The following ACACA variants were observed in gnomAD, a reference collection of about 807,000 sequenced individuals.
ACACA encodes the protein acetyl-CoA carboxylase alpha, also known as acetyl-CoA carboxylase 1.
ACACA carries 103 observed loss-of-function variants against 296.1 expected under a neutral mutation model. That is an observed-to-expected ratio of 0.35 (90% CI 0.30 to 0.41). ACACA has a LOEUF of 0.41. Among genes scored for constraint, ACACA ranks in the 10% least tolerant of loss-of-function variants. The pLI is 1.00. For missense variants in ACACA, 1,554 were observed against 2,989.7 expected (o/e 0.52, Z 11.20); for synonymous variants, 953 against 1,038.6 (o/e 0.92, Z 1.58).
At chr17:37,327,130 T>A (rs907216158) in intron 3 of ACACA, among the ~76,000 whole-genome samples, 1 of 152,180 alleles carries the variant, frequency 6.6e-6, no homozygotes, top group Non-Finnish European at 1.5e-5. Flanking sequence ...TAAGAGCTGA[T>A]CCTAAACTCA....
chr17:37,089,513 A>G (rs2142484713), intron 54 of ACACA, among the ~76,000 whole-genome samples: 1 of 152,360 alleles, frequency 6.6e-6, no homozygotes. Flanking sequence ...CACAATGCCT[A>G]AAGTATAAGT....
At chr17:37,375,865 CAGA>C (rs1477275905) in intron 1 of ACACA, 3 of 469,612 alleles carry the variant, frequency 6.4e-6, no homozygotes, top group South Asian at 9.8e-5. Context: ...GCAGCGAAGT[CAGA>C]AGAAGTCTGA....
chr17:37,236,103 C>T (rs2080098476), intron 24 of ACACA, among the ~76,000 whole-genome samples: 2 of 152,146 alleles, frequency 1.3e-5, no homozygotes, highest in African/African-American at 4.8e-5. Context: ...AAGTTACAAA[C>T]CAGAACAGTG....
At chr17:37,215,102 T>C (rs939602715) in intron 29 of ACACA, among the ~76,000 whole-genome samples, 7 of 152,110 alleles carry the variant, frequency 4.6e-5, no homozygotes, top group African/African-American at 1.7e-4. Context: ...CCAAAACACA[T>C]GCTATCAGGG....
Position 37,206,772 on chromosome 17 carries a change from G to A in ACACA, c.3948+11C>T. 1.6e-5 allele frequency: 26 copies of A among 1,587,160 alleles called. No homozygotes were observed. The highest frequency in any genetic ancestry group is 2.2e-5 in the Non-Finnish European group (26 of 1,155,812). On this transcript the variant is annotated intron_variant, in intron 32 of 55. Coordinates refer to ENST00000616317, the MANE Select transcript of ACACA (RefSeq NM_198834.3). Reference sequence around the variant, plus strand: ...GGGGAACAAAGCAGTCTCCCAAAAGGGACATTATACCTTATCCTCATCATA... The same window carrying A: ...GGGGAACAAAGCAGTCTCCCAAAAGAGACATTATACCTTATCCTCATCATA...
chr17:37,151,245 A>G, intron 44 of ACACA, 56 bp downstream of exon 44: 1 of 1,609,980 alleles, frequency 6.2e-7, no homozygotes, highest in Non-Finnish European at 8.5e-7. Context: ...AGAGAAAAAA[A>G]TAAACCTAGC....
At chr17:37,141,458 G>A (rs997032234) in intron 45 of ACACA, 15 of 286,484 alleles carry the variant, frequency 5.2e-5, no homozygotes, top group African/African-American at 3.3e-4. Flanking sequence ...AGGGGGTCTT[G>A]CTTCTTGCTA....
In ACACA at chr17:37,220,791, A is replaced by G. The variant is rs1475820095; in HGVS notation, c.3683+933T>C. Among the ~76,000 whole-genome samples, 5 of 152,328 alleles carry G rather than the reference A, an allele frequency of 3.3e-5. No homozygotes were observed. The East Asian group carries it at 9.6e-4, about 29-fold the overall frequency. On this transcript the variant is annotated intron_variant, in intron 29 of 55. Coordinates refer to ENST00000616317, the MANE Select transcript of ACACA (RefSeq NM_198834.3). ...TCTCAGCACAGACTTCTTTGTCTCC[A>G]GAAAGGGTTTCTATTGCTTTGGGTG...
At chr17:37,267,969 C>T (rs2081869835) in intron 10 of ACACA, among the ~76,000 whole-genome samples, 1 of 152,118 alleles carries the variant, frequency 6.6e-6, no homozygotes, top group South Asian at 2.1e-4. Context: ...TCATGTTGGC[C>T]AGGCTGGTCT....
intron 3 of ACACA, among the ~76,000 whole-genome samples, chr17:37,285,699 G>C (rs2082733178): frequency 8.1e-6 from 1 of 123,876 alleles, no homozygotes; most frequent in Admixed American, 9.1e-5. Flanking sequence ...TGCAGCCCCA[G>C]TTACTTGGGG....
At position 37,297,105 on chromosome 17, in the gene ACACA, T is replaced by C. The variant is rs188277069; in HGVS notation, c.339-12135A>G. Among the ~76,000 whole-genome samples, 11 of 152,182 alleles carry C rather than the reference T, an allele frequency of 7.2e-5. No individual in the cohort carries two copies. In the East Asian group the frequency reaches 1.9e-3, roughly 27 times the overall value. On this transcript the variant is annotated intron_variant, in intron 3 of 55. Transcript: ENST00000616317. ...TATATATGCACGTTTTATTTCTATA[T>C]GTATAGCCATGAGGTTTTTATATAA...
At chr17:37,158,924 T>A (rs2144355136) in intron 42 of ACACA, among the ~76,000 whole-genome samples, 1 of 152,074 alleles carries the variant, frequency 6.6e-6, no homozygotes, top group Admixed American at 6.5e-5. Flanking sequence ...ATGCCTATAA[T>A]CTCAGCACTT....
intron 1 of ACACA, among the ~76,000 whole-genome samples, chr17:37,376,775 C>T (rs1053775241): frequency 6.6e-6 from 1 of 151,846 alleles, no homozygotes; most frequent in South Asian, 2.1e-4. Flanking sequence ...GCCAACATGG[C>T]GAAACCCCAT....
intron 1 of ACACA, chr17:37,385,985 C>T: frequency 6.8e-7 from 1 of 1,464,902 alleles, no homozygotes; most frequent in Non-Finnish European, 9.4e-7. Flanking sequence ...CCTAAAGTTT[C>T]ATCTTTTCTA....
chr17:37,146,548 C>T (rs773546639), intron 45 of ACACA, among the ~76,000 whole-genome samples: 4 of 151,846 alleles, frequency 2.6e-5, no homozygotes, highest in Admixed American at 2.6e-4. Context: ...CTGTGTCCTT[C>T]TCCCTTGCTG....
rs138827346 is a variant in ACACA, at chr17:37,216,157, C to CA, written c.3683+5566dup. Among the ~76,000 whole-genome samples the CA allele has an allele frequency of 7.9e-3, 1,129 of 143,008 alleles. 4 individuals carry two copies. Among genetic ancestry groups the CA allele is most frequent in the Middle Eastern group, 0.025 (7 of 280 alleles). 93.8% of individuals were successfully genotyped at this position (143,008 alleles called of 152,430 possible). On this transcript the variant is annotated intron_variant, in intron 29 of 55. Transcript: ENST00000616317. ...ACACACACACACACACACACACACA[C>CA]AACATACACATGTTACATATACATA...
At chr17:37,148,657 A>G (rs1379313607) in intron 45 of ACACA, among the ~76,000 whole-genome samples, 1 of 152,236 alleles carries the variant, frequency 6.6e-6, no homozygotes, top group Non-Finnish European at 1.5e-5. Context: ...CCATAAGCTC[A>G]ATCACCAAAT....
At chr17:37,265,131 G>A (rs1412261622) in intron 10 of ACACA, among the ~76,000 whole-genome samples, 5 of 152,078 alleles carry the variant, frequency 3.3e-5, no homozygotes, top group Admixed American at 2.6e-4. Flanking sequence ...CTAGGCTCTC[G>A]AATTTATACA....
At chr17:37,161,317 A>C (rs2076451243) in intron 42 of ACACA, among the ~76,000 whole-genome samples, 2 of 152,174 alleles carry the variant, frequency 1.3e-5, no homozygotes, top group Non-Finnish European at 2.9e-5. Flanking sequence ...AGTGGTTCAA[A>C]AGAAAGACAG....
Sources: allele counts gnomAD v4.1 joint callset (sites outside exome capture counted in the v4.1 genomes callset), GRCh38; gene constraint gnomAD v4.1.1; transcripts MANE v1.5; gene names NCBI Gene and HGNC (gene_info 2026-07-23, HGNC 2026-07-21).